Variants in TENM4 observed in about 807,000 individuals in gnomAD.
TENM4 encodes the protein teneurin transmembrane protein 4.
In TENM4, 82 loss-of-function variants were observed where a neutral mutation model predicts 243.3. The observed-to-expected ratio is 0.34, with a 90% CI of 0.28 to 0.40. TENM4 has a LOEUF of 0.40. Among genes scored for constraint, TENM4 ranks in the 10% least tolerant of loss-of-function variants. The probability of loss-of-function intolerance (pLI) is 1.00; values close to 1 mark genes in which losing one functional copy is unlikely to be tolerated. For synonymous variants in TENM4, 1,412 were observed against 1,456.3 expected (o/e 0.97, Z 0.69); for missense variants, 3,138 against 3,673.3 (o/e 0.85, Z 3.77).
intron 12 of TENM4, 77 bp downstream of exon 12, chr11:78,854,027 C>T (rs1858610953): frequency 2.2e-6 from 3 of 1,379,552 alleles, no homozygotes; most frequent in South Asian, 1.4e-5. Flanking sequence ...TTGTCAGTGT[C>T]AGTCCCAGAA....
intron 6 of TENM4, among the ~76,000 whole-genome samples, chr11:79,052,782 T>G (rs1859832647): frequency 6.6e-6 from 1 of 152,248 alleles, no homozygotes; most frequent in South Asian, 2.1e-4. Context: ...CATTGAATTC[T>G]GCTGCCTAGC....
intron 17 of TENM4, 141 bp from the exon 18 acceptor site, chr11:78,771,279 T>C: frequency 9.1e-7 from 1 of 1,096,012 alleles, no homozygotes; most frequent in Admixed American, 2.4e-5. Context: ...GGGAGGTAGG[T>C]ATCATTAGGA....
At chr11:79,356,199 C>G (rs886962413) in intron 1 of TENM4, among the ~76,000 whole-genome samples, 1 of 152,154 alleles carries the variant, frequency 6.6e-6, no homozygotes, top group Non-Finnish European at 1.5e-5. Flanking sequence ...TCTCTCCCTT[C>G]TATATTTAAA....
At chr11:79,280,743 T>C (rs1856143106) in intron 2 of TENM4, among the ~76,000 whole-genome samples, 1 of 152,042 alleles carries the variant, frequency 6.6e-6, no homozygotes, top group African/African-American at 2.4e-5. Flanking sequence ...GACATATCTC[T>C]CCCAGGTTAA....
At chr11:78,823,753 G>A (rs1285972698) in intron 12 of TENM4, among the ~76,000 whole-genome samples, 1 of 152,170 alleles carries the variant, frequency 6.6e-6, no homozygotes, top group Non-Finnish European at 1.5e-5. Flanking sequence ...TTTTAGAAAC[G>A]ACTTCATTGC....
At chr11:78,937,817 T>C (rs1182645063) in intron 6 of TENM4, among the ~76,000 whole-genome samples, 1 of 152,202 alleles carries the variant, frequency 6.6e-6, no homozygotes, top group African/African-American at 2.4e-5. Flanking sequence ...AAACAACGAA[T>C]GCACTTTTTG....
At chr11:78,989,671 C>T (rs911564464) in intron 6 of TENM4, among the ~76,000 whole-genome samples, 2 of 152,158 alleles carry the variant, frequency 1.3e-5, no homozygotes, top group Non-Finnish European at 1.5e-5. Flanking sequence ...CCATTCCTTT[C>T]GTCCCAGGTA....
At chr11:78,878,129 G>A (rs1463042136) in intron 9 of TENM4, among the ~76,000 whole-genome samples, 1 of 152,134 alleles carries the variant, frequency 6.6e-6, no homozygotes, top group Non-Finnish European at 1.5e-5. Flanking sequence ...TGATCTCTGT[G>A]AGAACTTGGA....
chr11:78,882,031 G>A (rs1236986458), intron 9 of TENM4, among the ~76,000 whole-genome samples: 1 of 152,168 alleles, frequency 6.6e-6, no homozygotes, highest in Non-Finnish European at 1.5e-5. Context: ...AAAAGACCAA[G>A]TTCAATCATC....
intron 3 of TENM4, among the ~76,000 whole-genome samples, chr11:79,160,490 T>C (rs1412678044): frequency 2.0e-5 from 3 of 151,398 alleles, no homozygotes; most frequent in Admixed American, 2.0e-4. Flanking sequence ...CAACCTGGGG[T>C]GCAGGGCTGA....
chr11:78,677,698 C>T (rs917882668), intron 29 of TENM4, among the ~76,000 whole-genome samples: 3 of 151,150 alleles, frequency 2.0e-5, no homozygotes, highest in Non-Finnish European at 4.4e-5. Context: ...ATCATTGTCA[C>T]AGGCATATGA....
At chr11:79,374,098 T>A (rs1857841517) in intron 1 of TENM4, among the ~76,000 whole-genome samples, 1 of 152,150 alleles carries the variant, frequency 6.6e-6, no homozygotes, top group East Asian at 1.9e-4. Context: ...TTTTCATGAA[T>A]TCAAGCCAGC....
At chr11:79,333,489 T>C (rs549798831) in intron 1 of TENM4, among the ~76,000 whole-genome samples, 1 of 152,342 alleles carries the variant, frequency 6.6e-6, no homozygotes, top group African/African-American at 2.4e-5. Flanking sequence ...TGGAAAGTGA[T>C]CTTTGAGCAG....
intron 1 of TENM4, among the ~76,000 whole-genome samples, chr11:79,316,551 C>CT (rs1228717255): frequency 2.0e-5 from 3 of 152,148 alleles, no homozygotes; most frequent in Admixed American, 6.5e-5. Flanking sequence ...TCTTGACTTC[C>CT]TTTTTTATTT....
At position 79,060,237 on chromosome 11, in the gene TENM4, G is replaced by A. The variant is rs79473033; in HGVS notation, c.493+4501C>T. 3.3e-3 allele frequency among the ~76,000 whole-genome samples: 505 copies of A among 152,348 alleles called. 4 individuals are homozygous for A. Among genetic ancestry groups the A allele is most frequent in the African/African-American group, 0.011 (474 of 41,586 alleles). On this transcript the variant is annotated intron_variant, in intron 6 of 33. Transcript: ENST00000278550. ...GGCCTCTCACGGCAGGGGAGGAGAG[G>A]CCTGAGGGCTGGCTCTGCCTGAAGG...
intron 1 of TENM4, among the ~76,000 whole-genome samples, chr11:79,363,125 A>C (rs1444963195): frequency 6.6e-6 from 1 of 152,252 alleles, no homozygotes; most frequent in Non-Finnish European, 1.5e-5. Flanking sequence ...AAATATATTA[A>C]AATAATAAAA....
At chr11:79,028,612 G>C (rs1455574175) in intron 6 of TENM4, among the ~76,000 whole-genome samples, 1 of 152,214 alleles carries the variant, frequency 6.6e-6, no homozygotes, top group Admixed American at 6.5e-5. Context: ...TGCCTCCAGG[G>C]ATGGGTCTTA....
rs572995149 is a variant in TENM4, at chr11:79,123,670, T to C, written c.-66+25040A>G. Among the ~76,000 whole-genome samples, 149 of 151,818 alleles carry C rather than the reference T, an allele frequency of 9.8e-4. 1 individual carries two copies. Among genetic ancestry groups the C allele is most frequent in the African/African-American group, 3.3e-3 (137 of 41,428 alleles). On this transcript the variant is annotated intron_variant, in intron 4 of 33. Coordinates refer to ENST00000278550, the MANE Select transcript of TENM4 (RefSeq NM_001098816.3). The stretch of plus-strand genomic sequence containing the variant: ...GACAGAGACTGTGCTAGGCTTGGAC[T>C]GGGCCTTGTGCAATGCACACAAAAT...
rs1565254780 is a variant in TENM4, at chr11:79,218,241, C to CCA, written c.-264-2333_-264-2332insTG. Reference sequence around the variant, plus strand: ...GAAGTTTACCCCCTGCCCACCCACCCCCGACACACACAACCCCACCCCAAG... The same window carrying CCA: ...GAAGTTTACCCCCTGCCCACCCACCCCACCGACACACACAACCCCACCCCAAG... On this transcript the variant is annotated intron_variant, in intron 2 of 33. Coordinates refer to ENST00000278550, the MANE Select transcript of TENM4 (RefSeq NM_001098816.3). Among the ~76,000 whole-genome samples, 46 of 144,046 alleles carry CCA rather than the reference C, an allele frequency of 3.2e-4. No individual in the cohort carries two copies. The South Asian group carries it at 6.7e-3, about 21-fold the overall frequency. The allele number at this position is 144,046 out of a possible 152,430, so 94.5% of individuals were successfully genotyped here.
Sources: allele counts gnomAD v4.1 joint callset (sites outside exome capture counted in the v4.1 genomes callset), GRCh38; gene constraint gnomAD v4.1.1; transcripts MANE v1.5; gene names NCBI Gene and HGNC (gene_info 2026-07-23, HGNC 2026-07-21).